LARP1: variants seen among roughly 807,000 people sequenced by gnomAD.
LARP1 encodes the protein la-related protein 1.
LARP1 carries 36 observed loss-of-function variants against 122.7 expected under a neutral mutation model. The observed-to-expected ratio is 0.29, with a 90% CI of 0.22 to 0.39. The LOEUF is 0.39. LARP1 is among the 10% of genes least tolerant of loss of function. LARP1 has a pLI of 1.00. For missense variants in LARP1, 1,040 were observed against 1,403.6 expected, an observed-to-expected ratio of 0.74 and a Z score of 4.14; for synonymous variants, 539 against 528.7, an observed-to-expected ratio of 1.02 and a Z score of -0.27.
chr5:154,752,553 C>G (rs1260143119), upstream of LARP1, among the ~76,000 whole-genome samples: 2 of 152,092 alleles, frequency 1.3e-5, no homozygotes, highest in Admixed American at 1.3e-4. Context: ...TTGGACTTCA[C>G]TTTTCTGAAC....
At chr5:154,751,050 T>C (rs893089235), upstream of LARP1, among the ~76,000 whole-genome samples, 2 of 152,202 alleles carry the variant, frequency 1.3e-5, no homozygotes, top group Admixed American at 1.3e-4. Flanking sequence ...TGCTCAATTA[T>C]TTGGTTCCTC....
chr5:154,769,146 G>A (rs1755197370), intron 1 of LARP1, among the ~76,000 whole-genome samples: 1 of 152,168 alleles, frequency 6.6e-6, no homozygotes, highest in Non-Finnish European at 1.5e-5. Context: ...GCCAAATTGT[G>A]TACTTTAAAT....
intron 8 of LARP1, among the ~76,000 whole-genome samples, chr5:154,797,221 G>GGTTTTTTTTTTTTTTTTT (rs1757940079): frequency 3.4e-5 from 1 of 29,748 alleles, no homozygotes; most frequent in African/African-American, 1.0e-4. Context: ...TGTTGTTGTT[G>GGTTTTTTTTTTTTTTTTT]TTTTTTTTTT....
At chr5:154,690,450 C>T (rs1382594959) in intron 1 of LARP1, among the ~76,000 whole-genome samples, 2 of 152,224 alleles carry the variant, frequency 1.3e-5, no homozygotes, top group Non-Finnish European at 2.9e-5. Context: ...AGTTAATCCT[C>T]ACACCCAACT....
chr5:154,748,078 G>C (rs1753298801), intron 1 of LARP1, among the ~76,000 whole-genome samples: 1 of 152,126 alleles, frequency 6.6e-6, no homozygotes, highest in Non-Finnish European at 1.5e-5. Flanking sequence ...CTGAACTCCT[G>C]GCCTCAAGGG....
intron 1 of LARP1, among the ~76,000 whole-genome samples, chr5:154,743,428 C>T (rs1298639245): frequency 1.3e-5 from 2 of 151,544 alleles, no homozygotes; most frequent in African/African-American, 2.4e-5. Context: ...CCTGCCTCAG[C>T]CTCCCGAGTA....
chr5:154,765,052 A>C (rs942074696), intron 1 of LARP1, among the ~76,000 whole-genome samples: 2 of 152,066 alleles, frequency 1.3e-5, no homozygotes, highest in African/African-American at 4.8e-5. Context: ...TATCACTCCT[A>C]CTTAAAGCCC....
rs183350515 is a variant in LARP1 at position 154,707,593 on chromosome 5, A to G, written c.-180+24556A>G. Among the ~76,000 whole-genome samples, 423 of 152,330 alleles carry G rather than the reference A, an allele frequency of 2.8e-3. 1 individual carries two copies. Among genetic ancestry groups the G allele is most frequent in the African/African-American group, 9.9e-3 (413 of 41,576 alleles). ...AGCAGCAGTCCTTAACCTTTTTGGCACCAGGGACCAGTTTTGTGGAAGACA... is the reference window on the plus strand; with the variant it reads ...AGCAGCAGTCCTTAACCTTTTTGGCGCCAGGGACCAGTTTTGTGGAAGACA... On this transcript the variant is annotated intron_variant, in intron 1 of 18. Transcript: ENST00000687700.
chr5:154,728,200 C>G (rs1756346249), intron 1 of LARP1, among the ~76,000 whole-genome samples: 1 of 152,152 alleles, frequency 6.6e-6, no homozygotes, highest in Admixed American at 6.6e-5. Flanking sequence ...GATTTAGCCC[C>G]TCTGGTGTAG....
intron 14 of LARP1, chr5:154,805,363 AATC>A (rs1186250758): frequency 1.6e-5 from 3 of 193,322 alleles, no homozygotes; most frequent in African/African-American, 4.8e-5. Flanking sequence ...GGCAAAGGGG[AATC>A]ATCATAAAGG....
chr5:154,770,470 C>T (rs189737235), intron 1 of LARP1, among the ~76,000 whole-genome samples: 140 of 152,204 alleles, frequency 9.2e-4, no homozygotes, highest in Admixed American at 7.2e-4. Context: ...CTACCTCTCC[C>T]GGCCTGTCCC....
intron 1 of LARP1, among the ~76,000 whole-genome samples, chr5:154,738,877 G>A (rs560397278): frequency 1.3e-5 from 2 of 152,186 alleles, no homozygotes; most frequent in East Asian, 3.9e-4. Context: ...AGCTATGATC[G>A]TGCCACTGCA....
chr5:154,756,379 C>T (rs1753900879), intron 1 of LARP1, 186 bp downstream of exon 1: 1 of 980,148 alleles, frequency 1.0e-6, no homozygotes, highest in Non-Finnish European at 1.2e-6. Context: ...CAGGGACCTG[C>T]CCCTGCCCGA....
Position 154,794,182 on chromosome 5 carries a change from C to T in LARP1, c.1152C>T (p.Thr384=). 1.2e-6 allele frequency: 2 copies of T among 1,614,160 alleles called. No individual in the cohort carries two copies. Among genetic ancestry groups the T allele is most frequent in the South Asian group, 1.1e-5 (1 of 91,084 alleles). Residue 384 remains threonine, a synonymous_variant, in exon 7 of 19, where the codon ACC becomes ACT. Transcript: ENST00000518297. Reference sequence around the variant, plus strand: ...CGCCCAAGTACATGAACAACATCACCTACTACTTTGACAATGTCAGCAGCA... The same window carrying T: ...CGCCCAAGTACATGAACAACATCACTTACTACTTTGACAATGTCAGCAGCA... ...PRTPKYMNNI[T]YYFDNVSSTE...
intron 1 of LARP1, among the ~76,000 whole-genome samples, chr5:154,781,248 A>G (rs1383947204): frequency 6.6e-6 from 1 of 152,166 alleles, no homozygotes; most frequent in Non-Finnish European, 1.5e-5. Flanking sequence ...GGCCTAGGAA[A>G]GCCCAAGGGA....
chr5:154,683,292 G>C (rs376627847), intron 1 of LARP1, among the ~76,000 whole-genome samples: 3 of 152,218 alleles, frequency 2.0e-5, no homozygotes, highest in Admixed American at 1.3e-4. Flanking sequence ...TCAAACTGAC[G>C]GCCCACGGAC....
At chr5:154,765,038 C>G (rs1268847592) in intron 1 of LARP1, among the ~76,000 whole-genome samples, 1 of 152,120 alleles carries the variant, frequency 6.6e-6, no homozygotes, top group Non-Finnish European at 1.5e-5. Flanking sequence ...CTTAACTGGT[C>G]TCCTATCACT....
chr5:154,734,981 G>A (rs1438857400), intron 1 of LARP1, among the ~76,000 whole-genome samples: 1 of 151,982 alleles, frequency 6.6e-6, no homozygotes, highest in East Asian at 1.9e-4. Flanking sequence ...TTTCATTCAT[G>A]TTGCAACATA....
chr5:154,793,205 A>G (rs1206393722), intron 4 of LARP1, among the ~76,000 whole-genome samples: 1 of 152,054 alleles, frequency 6.6e-6, no homozygotes, highest in Admixed American at 6.6e-5. Context: ...AGGAAGAGGG[A>G]AGGGTGGCCC....
Sources: allele counts gnomAD v4.1 joint callset (sites outside exome capture counted in the v4.1 genomes callset), GRCh38; gene constraint gnomAD v4.1.1; transcripts MANE v1.5; gene names NCBI Gene and HGNC (gene_info 2026-07-23, HGNC 2026-07-21).